The following ABR variants were observed in gnomAD, a reference collection of about 807,000 sequenced individuals.
ABR encodes ABR activator of RhoGEF and GTPase, also known as active breakpoint cluster region-related protein.
A neutral mutation model predicts 107.2 loss-of-function variants in ABR; 35 were observed. That is an observed-to-expected ratio of 0.33 (90% CI 0.25 to 0.43). The LOEUF is 0.43. Among genes scored for constraint, ABR ranks in the 20% least tolerant of loss-of-function variants. ABR has a pLI of 1.00. For missense variants in ABR, 815 were observed against 1,115.2 expected (o/e 0.73, Z 3.83); for synonymous variants, 498 against 462.0 (o/e 1.08, Z -1.00).
rs888545504 is a variant in ABR, at chr17:1,003,770, G to A, written c.*2310C>T. On this transcript the variant is annotated 3_prime_UTR_variant, in exon 23 of 23. Transcript: ENST00000302538. Reference sequence around the variant, plus strand: ...GGCGTTTCTTAGCCTGACTCCTGCTGGGCACAGCCCACCCTGCTGGGCACA... The same window carrying A: ...GGCGTTTCTTAGCCTGACTCCTGCTAGGCACAGCCCACCCTGCTGGGCACA... 2 of 151,214 alleles carry A rather than the reference G, an allele frequency of 1.3e-5. No individual in the cohort carries two copies. Among genetic ancestry groups the A allele is most frequent in the African/African-American group, 2.5e-5 (1 of 40,328 alleles). The allele number at this position is 151,214 out of a possible 1,614,324, so 9.4% of individuals were successfully genotyped here. A position where few individuals can be genotyped will look rare whatever the true frequency, so the allele number is the denominator to read the frequency against.
chr17:1,158,051 A>T (rs2041117384), intron 1 of ABR, among the ~76,000 whole-genome samples: 1 of 152,158 alleles, frequency 6.6e-6, no homozygotes, highest in Non-Finnish European at 1.5e-5. Flanking sequence ...TTCTCTTCCA[A>T]CAGGTGGAAG....
chr17:1,185,041 T>C (rs1226101207), intron 1 of ABR: 3 of 152,184 alleles, frequency 2.0e-5, no homozygotes, highest in African/African-American at 4.8e-5. Flanking sequence ...AATCTCTGCA[T>C]TGAGCGGCAA....
At chr17:1,032,432 G>C (rs1233189592) in intron 16 of ABR, among the ~76,000 whole-genome samples, 1 of 152,202 alleles carries the variant, frequency 6.6e-6, no homozygotes, top group African/African-American at 2.4e-5. Context: ...AGGAGCAAAA[G>C]CCCGAAACGA....
chr17:1,132,016 G>A (rs552330949), intron 1 of ABR, among the ~76,000 whole-genome samples: 5 of 146,772 alleles, frequency 3.4e-5, no homozygotes, highest in East Asian at 3.9e-4. Flanking sequence ...TGCCTGCCAC[G>A]CACACAGCTC....
intron 2 of ABR, chr17:1,109,114 A>C: frequency 3.3e-6 from 5 of 1,506,220 alleles, no homozygotes; most frequent in Non-Finnish European, 4.5e-6. Flanking sequence ...GGGTCCACGC[A>C]GCGGCGGCGG....
At chr17:1,225,600 C>G (rs902621789) in intron 1 of ABR, among the ~76,000 whole-genome samples, 1 of 152,022 alleles carries the variant, frequency 6.6e-6, no homozygotes, top group Non-Finnish European at 1.5e-5. Flanking sequence ...TGCAGTGACC[C>G]GAGATGACGC....
intron 10 of ABR, among the ~76,000 whole-genome samples, chr17:1,063,348 G>A (rs1225286146): frequency 5.5e-5 from 7 of 127,216 alleles, no homozygotes; most frequent in African/African-American, 2.0e-4. Flanking sequence ...AGACACTGTT[G>A]TTACGTGAAC....
chr17:1,096,262 T>A (rs2037418435), intron 3 of ABR, among the ~76,000 whole-genome samples: 1 of 151,756 alleles, frequency 6.6e-6, no homozygotes, highest in Admixed American at 6.6e-5. Flanking sequence ...GTGCACATGG[T>A]TTTAGGTACA....
At chr17:1,172,552 CA>C (rs1392971972) in intron 1 of ABR, among the ~76,000 whole-genome samples, 2 of 152,168 alleles carry the variant, frequency 1.3e-5, no homozygotes, top group African/African-American at 4.8e-5. Flanking sequence ...AGATCGAGAC[CA>C]TCCTGGCCAA....
At chr17:1,226,280 C>T (rs2043212222) in intron 1 of ABR, among the ~76,000 whole-genome samples, 1 of 152,214 alleles carries the variant, frequency 6.6e-6, no homozygotes, top group Admixed American at 6.5e-5. Flanking sequence ...TGCGAAAACG[C>T]CTTCCCTTAA....
At chr17:1,043,678 T>G (rs949647315) in intron 16 of ABR, among the ~76,000 whole-genome samples, 1 of 152,210 alleles carries the variant, frequency 6.6e-6, no homozygotes, top group Admixed American at 6.5e-5. Context: ...TACCACTATT[T>G]TTTCTTTAAA....
chr17:1,072,796 G>A (rs748082134), intron 7 of ABR, 42 bp from the exon 8 acceptor site: 1 of 1,595,046 alleles, frequency 6.3e-7, no homozygotes, highest in Admixed American at 1.8e-5. Context: ...GCGGCTCTGG[G>A]GCCTGATGTG....
intron 20 of ABR, 194 bp from the exon 21 acceptor site, chr17:1,009,978 C>T: frequency 1.7e-6 from 1 of 604,702 alleles, no homozygotes; most frequent in Non-Finnish European, 2.9e-6. Flanking sequence ...CCCACCACGA[C>T]TGGTAACTCA....
At chr17:1,028,731 G>C (rs2072449297) in intron 16 of ABR, among the ~76,000 whole-genome samples, 1 of 152,224 alleles carries the variant, frequency 6.6e-6, no homozygotes, top group African/African-American at 2.4e-5. Context: ...AAGGTCACCT[G>C]AAGCTGCACT....
intron 1 of ABR, among the ~76,000 whole-genome samples, chr17:1,216,357 A>G (rs112369717): frequency 6.3e-4 from 96 of 152,306 alleles, no homozygotes; most frequent in Middle Eastern, 3.4e-3. Flanking sequence ...AGAGTCACGC[A>G]GGAGTGAGTA....
At chr17:1,228,998 G>T (rs1239911278) in exon 1 of ABR, 1 of 151,710 alleles carries the variant, frequency 6.6e-6, no homozygotes, top group Non-Finnish European at 1.5e-5. Context: ...GCTGCTCCAG[G>T]TCGCGGGTCC....
At chr17:1,215,363 C>A (rs1376858928) in intron 1 of ABR, among the ~76,000 whole-genome samples, 20 of 152,166 alleles carry the variant, frequency 1.3e-4, no homozygotes, top group Admixed American at 1.3e-3. Flanking sequence ...CTCAGCCTGC[C>A]GAGTGCCTGC....
At chr17:1,069,326 A>C (rs1443311148) in intron 9 of ABR, among the ~76,000 whole-genome samples, 1 of 152,220 alleles carries the variant, frequency 6.6e-6, no homozygotes, top group Non-Finnish European at 1.5e-5. Context: ...CTTTCAGGAA[A>C]AAAGGCTATG....
In ABR at chr17:1,084,148, C is replaced by T. The variant is rs971916098; in HGVS notation, c.532-521G>A. On this transcript the variant is annotated intron_variant, in intron 4 of 22. Transcript: ENST00000302538. The surrounding 1 kb of genome is among the most constrained non-coding windows in gnomAD (Gnocchi z 4.2). Reference sequence around the variant, plus strand: ...GCGGCTCACGCCTGTAACCCCAGCACTTTGGGAGGCCTGAGGTCAGGAGTT... The same window carrying T: ...GCGGCTCACGCCTGTAACCCCAGCATTTTGGGAGGCCTGAGGTCAGGAGTT... 6.6e-6 allele frequency among the ~76,000 whole-genome samples: 1 copy of T among 152,208 alleles called. No individual in the cohort carries two copies. The highest frequency in any genetic ancestry group is 1.5e-5 in the Non-Finnish European group (1 of 68,032).
Sources: allele counts gnomAD v4.1 joint callset (sites outside exome capture counted in the v4.1 genomes callset), GRCh38; gene constraint gnomAD v4.1.1; non-coding constraint Gnocchi (gnomAD v3.1); transcripts MANE v1.5; gene names NCBI Gene and HGNC (gene_info 2026-07-23, HGNC 2026-07-21).